The following PWWP2A variants were observed in gnomAD, a reference collection of about 807,000 sequenced individuals.
The protein encoded by PWWP2A is PWWP domain containing 2A, also known as PWWP domain-containing protein 2A.
Under a neutral mutation model 48.5 loss-of-function variants are expected in PWWP2A, and 18 were observed. The ratio of observed to expected loss-of-function variants is 0.37; its 90% CI spans 0.26 to 0.55. The LOEUF (loss-of-function observed/expected upper bound fraction) is 0.55, where lower values mean the gene tolerates loss of function less well. Among genes scored for constraint, PWWP2A ranks in the 20% least tolerant of loss-of-function variants. The pLI, the probability that PWWP2A is intolerant of heterozygous loss-of-function variation, is 0.81. For synonymous variants in PWWP2A, 396 were observed against 387.7 expected (o/e 1.02, Z -0.25); for missense variants, 867 against 976.4 (o/e 0.89, Z 1.49).
downstream of PWWP2A, among the ~76,000 whole-genome samples, chr5:160,074,375 T>C (rs939185383): frequency 1.5e-4 from 23 of 151,364 alleles, no homozygotes; most frequent in Admixed American, 8.6e-4. Flanking sequence ...GAGGTGGAGG[T>C]TGCAGTGAGC....
downstream of PWWP2A, chr5:160,089,439 G>A (rs1216351724): frequency 2.2e-5 from 18 of 811,728 alleles, no homozygotes; most frequent in Admixed American, 3.5e-5. Flanking sequence ...CTCGAACTCC[G>A]GGCCTCAAGC....
rs548975891 is a variant in PWWP2A, at chr5:160,108,683, G to A, written c.584+10122C>T. The A allele has an allele frequency of 1.4e-4, 129 of 892,778 alleles. No homozygotes were observed. The African/African-American group carries it at 2.1e-3, about 15-fold the overall frequency. 55.3% of individuals were successfully genotyped at this position (892,778 alleles called of 1,614,324 possible). ...AAAACACGTAAATTTTCTACAAATT[G>A]CTTTCAAGAACTTAGTGAAAACTGA... is the stretch of plus-strand genomic sequence containing the variant. On this transcript the variant is annotated intron_variant, in intron 1 of 1. Transcript: ENST00000307063.
At chr5:160,060,013 A>G (rs766515798), downstream of PWWP2A, among the ~76,000 whole-genome samples, 12 of 152,256 alleles carry the variant, frequency 7.9e-5, no homozygotes, top group Non-Finnish European at 1.5e-4. Context: ...AAGAATTTCA[A>G]CTGGGCATGA....
At chr5:160,046,213 T>A in the PWWP2A span, among the ~76,000 whole-genome samples, 5 of 152,230 alleles carry the variant, frequency 3.3e-5, no homozygotes, top group Non-Finnish European at 5.9e-5. Flanking sequence ...GTTTTATCCA[T>A]GCCATTGAAA....
Position 160,118,542 on chromosome 5 carries a change from G to A in PWWP2A, c.584+263C>T, listed in dbSNP as rs1324524963. On this transcript the variant is annotated intron_variant, in intron 1 of 1. Transcript: ENST00000307063. ...TCGCAGAAGAAGACCAGGCGTGAGG[G>A]GTGAGACCTGTGAGCCCATCTGCAC... 5.9e-5 allele frequency among the ~76,000 whole-genome samples: 9 copies of A among 152,198 alleles called. No homozygotes were observed. In the East Asian group the frequency reaches 1.5e-3, roughly 26 times the overall value.
chr5:160,064,870 T>C (rs2113431390), intron 4 of PWWP2A: 1 of 1,537,314 alleles, frequency 6.5e-7, no homozygotes, highest in Non-Finnish European at 8.8e-7. Flanking sequence ...GCAAGATTAA[T>C]TGGTACCTTC....
chr5:160,081,986 T>C (rs1036843902), intron 2 of PWWP2A, among the ~76,000 whole-genome samples: 1 of 152,246 alleles, frequency 6.6e-6, no homozygotes, highest in Non-Finnish European at 1.5e-5. Flanking sequence ...TGTATACACC[T>C]GATCTAGAAA....
downstream of PWWP2A, among the ~76,000 whole-genome samples, chr5:160,060,236 C>G (rs1163899435): frequency 2.6e-5 from 4 of 152,212 alleles, no homozygotes; most frequent in African/African-American, 9.7e-5. Context: ...GATGAAAACA[C>G]AGCATTCCTG....
chr5:160,061,128 C>T (rs965517840), downstream of PWWP2A, among the ~76,000 whole-genome samples: 5 of 152,216 alleles, frequency 3.3e-5, no homozygotes, highest in Non-Finnish European at 4.4e-5. Flanking sequence ...CTGCCTGCCC[C>T]GCTTCAGCCC....
In PWWP2A at chr5:160,119,416, C is replaced by T. The variant is rs574514622; in HGVS notation, c.-28G>A. 23 of 1,354,804 alleles carry T rather than the reference C, an allele frequency of 1.7e-5. No individual in the cohort carries two copies. The highest frequency in any genetic ancestry group is 2.1e-5 in the Non-Finnish European group (22 of 1,059,308). 83.9% of individuals were successfully genotyped at this position (1,354,804 alleles called of 1,614,324 possible). A position where few individuals can be genotyped will look rare whatever the true frequency, so the allele number is the denominator to read the frequency against. ...TCTTCCTAGCTTCTCCCTCCTCCAACTCCGGCTGCAGCGGCGGCGGCGACA... is the reference window on the plus strand; with the variant it reads ...TCTTCCTAGCTTCTCCCTCCTCCAATTCCGGCTGCAGCGGCGGCGGCGACA... On this transcript the variant is annotated 5_prime_UTR_variant, in exon 1 of 2. Transcript: ENST00000307063.
downstream of PWWP2A, among the ~76,000 whole-genome samples, chr5:160,074,779 T>C (rs1031446487): frequency 1.5e-4 from 22 of 151,388 alleles, no homozygotes; most frequent in African/African-American, 5.3e-4. Flanking sequence ...AAAAAACCTC[T>C]TTATTCAAAT....
At chr5:160,065,940 T>TTGC (rs1753594496) in intron 4 of PWWP2A, among the ~76,000 whole-genome samples, 2 of 152,224 alleles carry the variant, frequency 1.3e-5, no homozygotes, top group African/African-American at 4.8e-5. Context: ...CAGTTGATGC[T>TTGC]AGTGAGAAGC....
chr5:160,064,074 T>C (rs1753522863), intron 4 of PWWP2A, among the ~76,000 whole-genome samples: 1 of 150,618 alleles, frequency 6.6e-6, no homozygotes, highest in Non-Finnish European at 1.5e-5. Flanking sequence ...GTGCAAACGA[T>C]TGTCCTGCCT....
At chr5:160,118,679 G>T in intron 1 of PWWP2A, 126 bp downstream of exon 1, 1 of 987,612 alleles carries the variant, frequency 1.0e-6, no homozygotes, top group Non-Finnish European at 1.4e-6. Flanking sequence ...GCCACGCGCC[G>T]CGCAGGACCA....
At chr5:160,086,115 G>A (rs536823131) in intron 2 of PWWP2A, among the ~76,000 whole-genome samples, 6 of 151,940 alleles carry the variant, frequency 3.9e-5, no homozygotes, top group East Asian at 1.9e-4. Flanking sequence ...CATCGCGCCC[G>A]GCCTTTATAA....
intron 2 of PWWP2A, among the ~76,000 whole-genome samples, chr5:160,069,532 C>T (rs1337475474): frequency 1.3e-5 from 2 of 152,030 alleles, no homozygotes; most frequent in Non-Finnish European, 2.9e-5. Context: ...GGTTTCTCAA[C>T]AGTGAATCCA....
At chr5:160,056,544 C>G in the PWWP2A span, among the ~76,000 whole-genome samples, 3 of 152,056 alleles carry the variant, frequency 2.0e-5, no homozygotes, top group Non-Finnish European at 4.4e-5. Flanking sequence ...GGCAGCATAG[C>G]AAGACCCTGT....
At chr5:160,064,963 C>A in intron 4 of PWWP2A, 1 of 1,613,812 alleles carries the variant, frequency 6.2e-7, no homozygotes. Flanking sequence ...ACTTGGTTCT[C>A]CGACCTTTTG....
Position 160,093,727 on chromosome 5 carries a change from G to A in PWWP2A, c.923C>T (p.Ser308Leu), listed in dbSNP as rs1361494261. ...KRKMYREEPTSIMNAIKLRPR... is the reference protein window; with the variant it reads ...KRKMYREEPTLIMNAIKLRPR... Reference sequence around the variant, plus strand: ...TCGTAGTTTAATAGCATTCATTATTGAAGTGGGTTCTTCCCTGTACATTTT... The same window carrying A: ...TCGTAGTTTAATAGCATTCATTATTAAAGTGGGTTCTTCCCTGTACATTTT... The change falls in exon 2 of 2, where the codon TCA (serine) becomes TTA (leucine). Residue 308 changes from serine to leucine, a missense_variant. Transcript: ENST00000307063. This position sits in a 1 kb window ranked among gnomAD's most constrained non-coding sequence, Gnocchi z 5.8. 3.1e-6 allele frequency: 5 copies of A among 1,613,780 alleles called. No homozygotes were observed. Among genetic ancestry groups the A allele is most frequent in the African/African-American group, 1.3e-5 (1 of 74,852 alleles).
Sources: gnomAD v4.1 joint callset for allele counts (sites outside exome capture counted in the v4.1 genomes callset) on GRCh38, gnomAD v4.1.1 for gene constraint, Gnocchi (gnomAD v3.1) non-coding constraint, MANE v1.5 for transcripts, NCBI Gene and HGNC (gene_info 2026-07-23, HGNC 2026-07-21) for gene names.